CAPRIN1: variants seen among roughly 807,000 people sequenced by gnomAD.
CAPRIN1 encodes the protein caprin-1.
Under a neutral mutation model 100.9 loss-of-function variants are expected in CAPRIN1, and 29 were observed. The ratio of observed to expected loss-of-function variants is 0.29; its 90% CI spans 0.21 to 0.39. CAPRIN1 has a LOEUF of 0.39. CAPRIN1 is among the 10% of genes least tolerant of loss of function. The pLI, the probability that CAPRIN1 is intolerant of heterozygous loss-of-function variation, is 1.00. For missense variants in CAPRIN1, 795 were observed against 876.7 expected (o/e 0.91, Z 1.18); for synonymous variants, 338 against 307.5 (o/e 1.10, Z -1.04).
At chr11:34,089,594 C>G in intron 12 of CAPRIN1, 138 bp downstream of exon 12, 2 of 412,836 alleles carry the variant, frequency 4.8e-6, no homozygotes, top group African/African-American at 4.2e-5. Flanking sequence ...TAGCGAGACA[C>G]CATCTCTATT....
intron 15 of CAPRIN1, among the ~76,000 whole-genome samples, chr11:34,094,722 A>T (rs1851334304): frequency 6.6e-6 from 1 of 152,200 alleles, no homozygotes; most frequent in African/African-American, 2.4e-5. Context: ...ACTTGAGCCC[A>T]GGAGTTCAAG....
intron 2 of CAPRIN1, among the ~76,000 whole-genome samples, chr11:34,069,907 T>TAA (rs59107049): frequency 7.2e-6 from 1 of 137,976 alleles, no homozygotes; most frequent in Non-Finnish European, 1.6e-5. Context: ...TCATTTGACC[T>TAA]AAAAAAAAAA....
intron 2 of CAPRIN1, 72 bp from the exon 3 acceptor site, chr11:34,071,654 T>G: frequency 9.8e-7 from 1 of 1,023,170 alleles, no homozygotes; most frequent in South Asian, 1.4e-5. Flanking sequence ...ATTGTGAGGG[T>G]TTTGTCAAGC....
rs1234601367 is a variant in CAPRIN1 at position 34,101,946 on chromosome 11, C to G, written c.*2579C>G. On this transcript the variant is annotated 3_prime_UTR_variant, in exon 19 of 19. Transcript: ENST00000341394. ...ATCATCTCATGTGGATATGAAACTT[C>G]TTTTTTAAAACTTAAAAAGGTAGAA... is the stretch of plus-strand genomic sequence containing the variant. Among the ~76,000 whole-genome samples the G allele has an allele frequency of 6.6e-6, 1 of 151,970 alleles. No individual in the cohort carries two copies. The highest frequency in any genetic ancestry group is 1.5e-5 in the Non-Finnish European group (1 of 67,980).
intron 9 of CAPRIN1, among the ~76,000 whole-genome samples, chr11:34,084,558 A>G (rs2134122152): frequency 6.6e-6 from 1 of 152,280 alleles, no homozygotes; most frequent in South Asian, 2.1e-4. Flanking sequence ...CTCATACTCA[A>G]GTTGTGCCAT....
At chr11:34,089,564 C>G (rs1000426706) in intron 12 of CAPRIN1, 108 bp downstream of exon 12, 5 of 621,154 alleles carry the variant, frequency 8.0e-6, no homozygotes, top group African/African-American at 3.8e-5. Context: ...GTCAGGAGTT[C>G]AAGACCAGTC....
intron 11 of CAPRIN1, among the ~76,000 whole-genome samples, chr11:34,087,358 G>T (rs1851168723): frequency 9.4e-6 from 1 of 106,694 alleles, no homozygotes; most frequent in Admixed American, 9.3e-5. Context: ...TTTTGAGACG[G>T]AGTCTCGCTC....
chr11:34,080,677 GT>G (rs2134116699), intron 7 of CAPRIN1, among the ~76,000 whole-genome samples: 1 of 152,348 alleles, frequency 6.6e-6, no homozygotes, highest in South Asian at 2.1e-4. Flanking sequence ...TGGAGCATAA[GT>G]TTTGTTAGAA....
Position 34,081,618 on chromosome 11 carries a change from CGAG to C in CAPRIN1, c.827-1206_827-1204del, listed in dbSNP as rs758688839. On this transcript the variant is annotated intron_variant, in intron 7 of 18. Transcript: ENST00000341394. ...AAGCAATTCTCCTGCTTTAGCCTCTCGAGTAGCTGGGATTACAGGTGCATGGCA... is the reference window on the plus strand; with the variant it reads ...AAGCAATTCTCCTGCTTTAGCCTCTCTAGCTGGGATTACAGGTGCATGGCA... Among the ~76,000 whole-genome samples the C allele has an allele frequency of 2.6e-5, 4 of 152,110 alleles. 1 individual carries two copies. The highest frequency in any genetic ancestry group is 6.5e-5 in the Admixed American group (1 of 15,268).
chr11:34,089,523 T>A, intron 12 of CAPRIN1, 67 bp downstream of exon 12: 2 of 908,470 alleles, frequency 2.2e-6, no homozygotes, highest in Non-Finnish European at 3.6e-6. Context: ...TCCTAGTACT[T>A]TAGGAGGCTG....
intron 11 of CAPRIN1, among the ~76,000 whole-genome samples, chr11:34,088,958 T>C (rs1272625828): frequency 6.6e-6 from 1 of 152,126 alleles, no homozygotes; most frequent in Middle Eastern, 3.2e-3. Flanking sequence ...AGTTTATTTA[T>C]GGTTTGGCTA....
At chr11:34,082,652 C>CA (rs1195140041) in intron 7 of CAPRIN1, among the ~76,000 whole-genome samples, 173 bp from the exon 8 acceptor site, 3 of 152,170 alleles carry the variant, frequency 2.0e-5, no homozygotes, top group African/African-American at 7.2e-5. Context: ...CCCAAACTGA[C>CA]ACATTATTAT....
At chr11:34,054,542 C>T (rs1343115219) in intron 2 of CAPRIN1, among the ~76,000 whole-genome samples, 2 of 152,042 alleles carry the variant, frequency 1.3e-5, no homozygotes, top group African/African-American at 2.4e-5. Context: ...ATTCTCCTCC[C>T]TCAGCCTCCC....
rs1259610778 is a variant in CAPRIN1, at chr11:34,052,514, G to T, written c.94G>T (p.Ala32Ser). The T allele has an allele frequency of 6.2e-7, 1 of 1,603,586 alleles. No homozygotes were observed. ...GSSGSEAAAG[A>S]GAAAPASQHP... is the part of the protein sequence containing the mutation. Reference sequence around the variant, plus strand: ...CTCCGGGAGTGAGGCGGCCGCGGGAGCCGGGGCCGCCGCGCCGGCTTCTCA... The same window carrying T: ...CTCCGGGAGTGAGGCGGCCGCGGGATCCGGGGCCGCCGCGCCGGCTTCTCA... The change falls in exon 2 of 19, where the codon GCC becomes TCC. Residue 32 changes from alanine (A) to serine (S), a missense_variant. Coordinates refer to ENST00000341394, the MANE Select transcript of CAPRIN1 (RefSeq NM_005898.5).
intron 11 of CAPRIN1, among the ~76,000 whole-genome samples, chr11:34,087,663 A>G (rs182033573): frequency 1.9e-3 from 282 of 152,344 alleles, no homozygotes; most frequent in South Asian, 5.4e-3. Context: ...TTTAGAAAAC[A>G]GATCAAAGGT....
At chr11:34,083,534 A>G (rs992597481) in intron 9 of CAPRIN1, among the ~76,000 whole-genome samples, 2 of 152,114 alleles carry the variant, frequency 1.3e-5, no homozygotes, top group Non-Finnish European at 2.9e-5. Flanking sequence ...CTGCCTCCAG[A>G]CCATCCTATT....
intron 2 of CAPRIN1, chr11:34,053,074 G>A: frequency 9.7e-7 from 1 of 1,027,840 alleles, no homozygotes; most frequent in Non-Finnish European, 1.2e-6. Flanking sequence ...GTGGAGTTGG[G>A]GCGGCCTGCG....
intron 7 of CAPRIN1, among the ~76,000 whole-genome samples, chr11:34,079,974 A>AG (rs1236368580): frequency 3.0e-5 from 4 of 133,488 alleles, no homozygotes; most frequent in African/African-American, 1.2e-4. Context: ...CCCAGGCTGG[A>AG]GTGCAGTGGC....
At chr11:34,061,969 CAA>C (rs3073356) in intron 2 of CAPRIN1, among the ~76,000 whole-genome samples, 2 of 118,246 alleles carry the variant, frequency 1.7e-5, no homozygotes, top group Non-Finnish European at 1.7e-5. Context: ...GAGTCTGTCT[CAA>C]AAAAAAAAAA....
Sources: allele counts gnomAD v4.1 joint callset (sites outside exome capture counted in the v4.1 genomes callset), GRCh38; gene constraint gnomAD v4.1.1; transcripts MANE v1.5; gene names NCBI Gene and HGNC (gene_info 2026-07-23, HGNC 2026-07-21).